FBXO9: variants seen among roughly 807,000 people sequenced by gnomAD.
FBXO9 encodes F-box protein 9.
Under a neutral mutation model 63.7 loss-of-function variants are expected in FBXO9, and 43 were observed. That is an observed-to-expected ratio of 0.67 (90% CI 0.53 to 0.87). FBXO9 has a LOEUF of 0.87. FBXO9 is among the 40% of genes least tolerant of loss of function. FBXO9 has a pLI of 0.00. For synonymous variants in FBXO9, 156 were observed against 171.7 expected, an observed-to-expected ratio of 0.91 and a Z score of 0.72; for missense variants, 442 against 533.2, an observed-to-expected ratio of 0.83 and a Z score of 1.68.
At chr6:53,082,756 A>G in intron 7 of FBXO9, 138 bp downstream of exon 7, 1 of 613,054 alleles carries the variant, frequency 1.6e-6, no homozygotes, top group East Asian at 2.8e-5. Context: ...GCTAAGCTGT[A>G]CTTAACTTTC....
Position 53,089,079 on chromosome 6 carries a change from GT to G in FBXO9, c.654-3339del, listed in dbSNP as rs1307876246. 8.3e-3 allele frequency among the ~76,000 whole-genome samples: 1,165 copies of G among 140,280 alleles called. 9 individuals carry two copies. Among genetic ancestry groups the G allele is most frequent in the African/African-American group, 0.026 (1,014 of 38,476 alleles). 92.0% of individuals were successfully genotyped at this position (140,280 alleles called of 152,430 possible). On this transcript the variant is annotated intron_variant, in intron 7 of 12. Coordinates refer to ENST00000323557, the MANE Select transcript of FBXO9 (RefSeq NM_033480.3). ...GTGGGGTTTTTTTTTGTTTGTTTTT[GT>G]TTTTTTTTTTCCAGGCGGAGTGTCG...
At chr6:53,093,851 C>A in intron 10 of FBXO9, 34 bp from the exon 11 acceptor site, 1 of 1,447,788 alleles carries the variant, frequency 6.9e-7, no homozygotes, top group Admixed American at 2.2e-5. Context: ...CACTTAATAA[C>A]TGATTTAGAT....
At position 53,098,131 on chromosome 6, in the gene FBXO9, A is replaced by G; in HGVS notation, c.*301A>G. 1 of 351,592 alleles carries G rather than the reference A, an allele frequency of 2.8e-6. No individual in the cohort carries two copies. Among genetic ancestry groups the G allele is most frequent in the South Asian group, 2.3e-5 (1 of 44,168 alleles). 21.8% of individuals were successfully genotyped at this position (351,592 alleles called of 1,614,324 possible). ...TATTTATGTTGTGAGAAACCTTAATATGAGGTTTATCATGCCCTTTTTCAA... is the reference window on the plus strand; with the variant it reads ...TATTTATGTTGTGAGAAACCTTAATGTGAGGTTTATCATGCCCTTTTTCAA... On this transcript the variant is annotated 3_prime_UTR_variant, in exon 13 of 13. Coordinates refer to ENST00000323557, the MANE Select transcript of FBXO9 (RefSeq NM_033480.3).
intron 12 of FBXO9, among the ~76,000 whole-genome samples, chr6:53,097,257 A>G (rs985323822): frequency 1.1e-4 from 16 of 152,182 alleles, no homozygotes; most frequent in Non-Finnish European, 2.1e-4. Context: ...CCTAATGTCT[A>G]TAGCTTCTGA....
At chr6:53,092,146 T>G (rs191830129) in intron 7 of FBXO9, 51 of 303,116 alleles carry the variant, frequency 1.7e-4, no homozygotes, top group African/African-American at 2.2e-4. Flanking sequence ...GAGAGGCATT[T>G]CCTGGCCTCC....
chr6:53,070,801 C>CGG, intron 1 of FBXO9: 1 of 408,202 alleles, frequency 2.4e-6, no homozygotes, highest in Non-Finnish European at 4.3e-6. Flanking sequence ...TTAAATTTGG[C>CGG]GGGGGGGAAA....
intron 9 of FBXO9, 35 bp from the exon 10 acceptor site, chr6:53,093,431 G>A (rs774775300): frequency 1.4e-6 from 2 of 1,402,842 alleles, no homozygotes; most frequent in South Asian, 2.3e-5. Context: ...TTTGTGTGGG[G>A]GGTGTGTTTT....
At chr6:53,092,020 G>C in intron 7 of FBXO9, 1 of 178,362 alleles carries the variant, frequency 5.6e-6, no homozygotes, top group Non-Finnish European at 1.2e-5. Flanking sequence ...TGCCACAGCT[G>C]TGTGCTCCTG....
At chr6:53,071,390 A>G (rs535171359) in intron 2 of FBXO9, among the ~76,000 whole-genome samples, 36 of 152,214 alleles carry the variant, frequency 2.4e-4, no homozygotes, top group Non-Finnish European at 3.4e-4. Context: ...ATGACTCAAA[A>G]CCCATAATCT....
intron 7 of FBXO9, among the ~76,000 whole-genome samples, chr6:53,085,882 G>C (rs942385147): frequency 1.3e-5 from 2 of 152,170 alleles, no homozygotes; most frequent in Admixed American, 1.3e-4. Context: ...GGGTGTGGTG[G>C]CTCACGCCTG....
chr6:53,087,658 C>T (rs1173265994), intron 7 of FBXO9, among the ~76,000 whole-genome samples: 3 of 152,104 alleles, frequency 2.0e-5, no homozygotes, highest in Non-Finnish European at 4.4e-5. Flanking sequence ...GCATTTCCAA[C>T]CTGGAACTAG....
chr6:53,070,861 G>A (rs1768890156), intron 1 of FBXO9, 196 bp from the exon 2 acceptor site: 2 of 799,704 alleles, frequency 2.5e-6, no homozygotes, highest in South Asian at 4.9e-5. Flanking sequence ...TAGAGAATAT[G>A]CTTTTCAGAC....
intron 9 of FBXO9, 192 bp from the exon 10 acceptor site, chr6:53,093,274 T>C: frequency 2.1e-6 from 1 of 472,398 alleles, no homozygotes; most frequent in Non-Finnish European, 3.7e-6. Flanking sequence ...GAAGATAAAA[T>C]ATCTTTGGTT....
At chr6:53,076,438 T>C in intron 3 of FBXO9, 48 bp from the exon 4 acceptor site, 3 of 1,233,534 alleles carry the variant, frequency 2.4e-6, no homozygotes, top group Non-Finnish European at 3.4e-6. Context: ...CCATCCATAC[T>C]AATTTTTAAT....
At chr6:53,093,832 A>G in intron 10 of FBXO9, 53 bp from the exon 11 acceptor site, 1 of 1,329,484 alleles carries the variant, frequency 7.5e-7, no homozygotes, top group South Asian at 1.4e-5. Context: ...TTCTTAGATT[A>G]CTTAAATCCA....
intron 7 of FBXO9, among the ~76,000 whole-genome samples, chr6:53,089,932 C>T (rs905220146): frequency 4.6e-5 from 7 of 152,222 alleles, no homozygotes; most frequent in Non-Finnish European, 8.8e-5. Flanking sequence ...TCTGACACTT[C>T]TGTATTTCAA....
intron 1 of FBXO9, among the ~76,000 whole-genome samples, chr6:53,070,176 G>A (rs1768864124): frequency 6.6e-6 from 1 of 151,202 alleles, no homozygotes; most frequent in South Asian, 2.1e-4. Context: ...GTACCACCAC[G>A]CCTGGCTGAT....
intron 4 of FBXO9, among the ~76,000 whole-genome samples, chr6:53,078,372 C>T (rs577088585): frequency 2.2e-4 from 34 of 152,292 alleles, no homozygotes; most frequent in Admixed American, 3.3e-4. Flanking sequence ...GTGGGAGAAT[C>T]ACTTGGACCT....
chr6:53,069,443 A>G (rs1346452724), intron 1 of FBXO9, among the ~76,000 whole-genome samples: 2 of 152,260 alleles, frequency 1.3e-5, no homozygotes, highest in African/African-American at 2.4e-5. Flanking sequence ...TGTTTGGAAC[A>G]TCTGTCACAG....
Sources: allele counts gnomAD v4.1 joint callset (sites outside exome capture counted in the v4.1 genomes callset), GRCh38; gene constraint gnomAD v4.1.1; transcripts MANE v1.5; gene names NCBI Gene and HGNC (gene_info 2026-07-23, HGNC 2026-07-21).